NXPE2: variants seen among roughly 807,000 people sequenced by gnomAD.
The protein encoded by NXPE2 is neurexophilin and PC-esterase domain family member 2.
NXPE2 carries 34 observed loss-of-function variants against 34.4 expected under a neutral mutation model. The observed-to-expected ratio is 0.99, with a 90% CI of 0.75 to 1.31. NXPE2 has a LOEUF of 1.31. Ranked by LOEUF, NXPE2 falls within the 40% of genes most tolerant of loss-of-function variation. The pLI is 0.00. For missense variants in NXPE2, 649 were observed against 672.5 expected, an observed-to-expected ratio of 0.97 and a Z score of 0.39; for synonymous variants, 235 against 231.3, an observed-to-expected ratio of 1.02 and a Z score of -0.15.
chr11:114,753,775 A>G, the NXPE2 span, among the ~76,000 whole-genome samples: 14 of 152,364 alleles, frequency 9.2e-5, no homozygotes, highest in African/African-American at 3.4e-4. Flanking sequence ...TTCAGCTTCT[A>G]TTGAAAAGCA....
chr11:114,689,681 G>A (rs1021741119), intron 2 of NXPE2, among the ~76,000 whole-genome samples: 1 of 152,060 alleles, frequency 6.6e-6, no homozygotes, highest in Non-Finnish European at 1.5e-5. Flanking sequence ...GTCTAATGCT[G>A]TCAGTGGGGT....
upstream of NXPE2, among the ~76,000 whole-genome samples, chr11:114,676,979 G>A (rs1950865507): frequency 6.6e-6 from 1 of 152,032 alleles, no homozygotes; most frequent in Non-Finnish European, 1.5e-5. Flanking sequence ...GGTGAACCTG[G>A]AGGACATTAT....
the NXPE2 span, among the ~76,000 whole-genome samples, chr11:114,499,492 T>A: frequency 6.6e-6 from 1 of 152,168 alleles, no homozygotes; most frequent in Non-Finnish European, 1.5e-5. Context: ...TCCATATCAA[T>A]TTTGATTTGT....
the NXPE2 span, among the ~76,000 whole-genome samples, chr11:114,601,784 AACATG>A: frequency 1.5e-4 from 11 of 72,186 alleles, no homozygotes; most frequent in African/African-American, 6.4e-4. Context: ...ATAATTATAT[AACATG>A]TGATATATGA....
chr11:114,594,841 A>G, the NXPE2 span: 1 of 822,336 alleles, frequency 1.2e-6, no homozygotes, highest in South Asian at 1.6e-5. Context: ...CATGGGAAAC[A>G]TTTGAAATTT....
At chr11:114,650,332 C>CT in the NXPE2 span, among the ~76,000 whole-genome samples, 1 of 152,300 alleles carries the variant, frequency 6.6e-6, no homozygotes, top group South Asian at 2.1e-4. Flanking sequence ...TTTGGAATAG[C>CT]TGGGATCACC....
At chr11:114,602,124 ATT>A in the NXPE2 span, among the ~76,000 whole-genome samples, 105 of 101,828 alleles carry the variant, frequency 1.0e-3, no homozygotes, top group African/African-American at 4.2e-3. Flanking sequence ...AATTATATAT[ATT>A]ATACATAACA....
intron 2 of NXPE2, among the ~76,000 whole-genome samples, chr11:114,694,590 T>G (rs1951213205): frequency 6.6e-6 from 1 of 152,192 alleles, no homozygotes; most frequent in Admixed American, 6.5e-5. Flanking sequence ...TTATGCCTAT[T>G]GTGTTTGTCC....
Position 114,706,397 on chromosome 11 carries a change from C to G in NXPE2, c.1147C>G (p.Leu383Val). 6.5e-7 allele frequency: 1 copy of G among 1,527,276 alleles called. No homozygotes were observed. The highest frequency in any genetic ancestry group is 8.8e-7 in the Non-Finnish European group (1 of 1,136,620). The allele number at this position is 1,527,276 out of a possible 1,614,324, so 94.6% of individuals were successfully genotyped here. The part of the protein sequence containing the change: ...IYYLQKAVKT[L>V]KYFDHHGAGI... ...TTTATTGATTTGTCTTTCATCAGCC[C>G]TAAAATATTTTGATCATCATGGAGC... Residue 383 changes from leucine (L) to valine (V), a missense_variant and splice_region_variant, in exon 6 of 6, where the codon CTA becomes GTA. Coordinates refer to ENST00000389586, the MANE Select transcript of NXPE2 (RefSeq NM_182495.6).
the NXPE2 span, among the ~76,000 whole-genome samples, chr11:114,773,275 TC>T: frequency 2.6e-5 from 1 of 38,414 alleles, no homozygotes; most frequent in Non-Finnish European, 5.2e-5. Flanking sequence ...CACAACCCAC[TC>T]CCACCCCCCC....
At chr11:114,683,476 A>G (rs1591427892) in intron 2 of NXPE2, among the ~76,000 whole-genome samples, 2 of 147,962 alleles carry the variant, frequency 1.4e-5, no homozygotes, top group South Asian at 4.3e-4. Flanking sequence ...GCTGAAGTGC[A>G]GTGGCACGAC....
At chr11:114,642,157 A>C in the NXPE2 span, among the ~76,000 whole-genome samples, 1 of 152,022 alleles carries the variant, frequency 6.6e-6, no homozygotes, top group African/African-American at 2.4e-5. Context: ...TGAAAATTGT[A>C]ATGTGTACCC....
At chr11:114,667,703 C>T in the NXPE2 span, among the ~76,000 whole-genome samples, 5 of 152,050 alleles carry the variant, frequency 3.3e-5, no homozygotes, top group East Asian at 1.9e-4. Flanking sequence ...TGCTAACAGA[C>T]AGCAAAGAAC....
chr11:114,658,869 C>T, the NXPE2 span, among the ~76,000 whole-genome samples: 3 of 152,152 alleles, frequency 2.0e-5, no homozygotes, highest in Non-Finnish European at 4.4e-5. Context: ...CTCACTCATT[C>T]TCCCAGTAGG....
At chr11:114,649,181 G>T in the NXPE2 span, among the ~76,000 whole-genome samples, 1 of 151,346 alleles carries the variant, frequency 6.6e-6, no homozygotes, top group Admixed American at 6.6e-5. Context: ...CTTTTGAAGG[G>T]TCTGGACCAT....
At chr11:114,501,224 A>AT in the NXPE2 span, among the ~76,000 whole-genome samples, 1 of 152,080 alleles carries the variant, frequency 6.6e-6, no homozygotes, top group Non-Finnish European at 1.5e-5. Flanking sequence ...CCCAGACCTA[A>AT]TTTTCACTGT....
At chr11:114,766,091 C>T in the NXPE2 span, among the ~76,000 whole-genome samples, 1 of 152,124 alleles carries the variant, frequency 6.6e-6, no homozygotes, top group Non-Finnish European at 1.5e-5. Context: ...AGAATCTTAT[C>T]GGATCTTCTG....
At chr11:114,659,696 C>A in the NXPE2 span, among the ~76,000 whole-genome samples, 1 of 151,900 alleles carries the variant, frequency 6.6e-6, no homozygotes, top group South Asian at 2.1e-4. Flanking sequence ...TAAGTTGTAA[C>A]ATTAAATACA....
At chr11:114,500,494 T>A in the NXPE2 span, among the ~76,000 whole-genome samples, 1 of 152,126 alleles carries the variant, frequency 6.6e-6, no homozygotes. Flanking sequence ...ATTTGAGTTG[T>A]AAGTGTTCTC....
Sources: gnomAD v4.1 joint callset for allele counts (sites outside exome capture counted in the v4.1 genomes callset) on GRCh38, gnomAD v4.1.1 for gene constraint, MANE v1.5 for transcripts, NCBI Gene and HGNC (gene_info 2026-07-23, HGNC 2026-07-21) for gene names.